Variants in PDE8B observed in about 807,000 individuals in gnomAD.
PDE8B encodes phosphodiesterase 8B, also known as high affinity cAMP-specific and IBMX-insensitive 3',5'-cyclic phosphodiesterase 8B.
Under a neutral mutation model 101.3 loss-of-function variants are expected in PDE8B, and 26 were observed. The ratio of observed to expected loss-of-function variants is 0.26; its 90% confidence interval spans 0.19 to 0.36. The LOEUF (loss-of-function observed/expected upper bound fraction) is 0.36. Among genes scored for constraint, PDE8B ranks in the 10% least tolerant of loss-of-function variants. PDE8B has a pLI of 1.00. For missense variants in PDE8B, 810 were observed against 1,163.1 expected, an observed-to-expected ratio of 0.70 and a Z score of 4.42; for synonymous variants, 424 against 429.3, an observed-to-expected ratio of 0.99 and a Z score of 0.15.
At chr5:77,350,374 GA>G (rs946249370) in intron 8 of PDE8B, among the ~76,000 whole-genome samples, 3 of 152,082 alleles carry the variant, frequency 2.0e-5, no homozygotes, top group Non-Finnish European at 2.9e-5. Flanking sequence ...GTTGCCAAAA[GA>G]ATATAGCCAC....
At chr5:77,422,356 G>A (rs905842653) in intron 20 of PDE8B, among the ~76,000 whole-genome samples, 2 of 152,166 alleles carry the variant, frequency 1.3e-5, no homozygotes, top group African/African-American at 4.8e-5. Context: ...TGAAGACATC[G>A]CGGCCACGGG....
chr5:77,298,178 C>G (rs1391165073), intron 1 of PDE8B, among the ~76,000 whole-genome samples: 2 of 152,224 alleles, frequency 1.3e-5, no homozygotes, highest in Non-Finnish European at 2.9e-5. Context: ...TGCCTCCCAT[C>G]ATAAGGAAAC....
chr5:77,290,746 T>C, intron 1 of PDE8B: 1 of 1,492,876 alleles, frequency 6.7e-7, no homozygotes, highest in Non-Finnish European at 9.3e-7. Flanking sequence ...GTAGGCCTGG[T>C]TGGAATCATC....
the PDE8B span, among the ~76,000 whole-genome samples, chr5:77,135,902 CA>C: frequency 6.6e-6 from 1 of 152,114 alleles, no homozygotes; most frequent in East Asian, 1.9e-4. Flanking sequence ...CAGGCATGAG[CA>C]TTGGCAAATT....
the PDE8B span, among the ~76,000 whole-genome samples, chr5:77,169,547 A>G: frequency 6.6e-6 from 1 of 152,170 alleles, no homozygotes; most frequent in Admixed American, 6.5e-5. Context: ...GAAAGAGAGT[A>G]GGAGAGGAGG....
At chr5:77,403,752 G>A (rs1214380950) in intron 11 of PDE8B, among the ~76,000 whole-genome samples, 1 of 151,920 alleles carries the variant, frequency 6.6e-6, no homozygotes, top group Admixed American at 6.5e-5. Context: ...CTTTATAATA[G>A]TTCCACCTTT....
At chr5:77,099,073 T>A in the PDE8B span, among the ~76,000 whole-genome samples, 2 of 152,248 alleles carry the variant, frequency 1.3e-5, no homozygotes, top group Non-Finnish European at 2.9e-5. Context: ...AAAACATTAA[T>A]GTATACTTTA....
chr5:77,145,735 C>T, the PDE8B span: 1 of 152,146 alleles, frequency 6.6e-6, no homozygotes, highest in African/African-American at 2.4e-5. Flanking sequence ...AGTATTTCAG[C>T]AAAAACACTG....
chr5:77,114,276 G>C, the PDE8B span: 2 of 152,150 alleles, frequency 1.3e-5, no homozygotes, highest in African/African-American at 4.8e-5. Context: ...GTCCATCAAT[G>C]ATAGATTGGA....
At chr5:77,359,942 A>G (rs1229291355) in intron 10 of PDE8B, among the ~76,000 whole-genome samples, 1 of 152,034 alleles carries the variant, frequency 6.6e-6, no homozygotes, top group Non-Finnish European at 1.5e-5. Flanking sequence ...CGAAAAATAC[A>G]AAAATTAGCC....
At chr5:77,251,953 G>A (rs1406108781) in intron 1 of PDE8B, among the ~76,000 whole-genome samples, 1 of 152,150 alleles carries the variant, frequency 6.6e-6, no homozygotes, top group Non-Finnish European at 1.5e-5. Flanking sequence ...ACATATGGTT[G>A]TATTACAGTC....
the PDE8B span, among the ~76,000 whole-genome samples, chr5:77,173,235 G>C: frequency 6.6e-6 from 1 of 152,200 alleles, no homozygotes; most frequent in Non-Finnish European, 1.5e-5. Context: ...GAATATTTTG[G>C]AGGATTAGTA....
the PDE8B span, among the ~76,000 whole-genome samples, chr5:77,202,403 CA>C: frequency 6.6e-6 from 1 of 152,194 alleles, no homozygotes; most frequent in Non-Finnish European, 1.5e-5. Context: ...TCTTCCTCCT[CA>C]GCTTACTTAA....
At chr5:77,357,476 GA>G (rs1316838536) in intron 10 of PDE8B, among the ~76,000 whole-genome samples, 4 of 152,050 alleles carry the variant, frequency 2.6e-5, no homozygotes, top group Admixed American at 1.3e-4. Context: ...CAGCTAGTAA[GA>G]TTTTTTTTCC....
Position 77,425,823 on chromosome 5 carries a change from T to C in PDE8B, c.2475T>C (p.Asn825=). 1 of 1,612,520 alleles carries C rather than the reference T, an allele frequency of 6.2e-7. No homozygotes were observed. The highest frequency in any genetic ancestry group is 8.5e-7 in the Non-Finnish European group (1 of 1,178,548). Residue 825 remains asparagine (N), a synonymous_variant, in exon 21 of 22, where the codon AAT becomes AAC. Transcript: ENST00000264917. ...TGGTGATGCCAGTGTTTGACCGGAA[T>C]ACCTGTAGCATCCCCAAGTCTCAGA... is the stretch of plus-strand genomic sequence containing the variant. ...LPVVMPVFDR[N]TCSIPKSQIS...
At chr5:77,160,710 G>A in the PDE8B span, among the ~76,000 whole-genome samples, 2 of 152,006 alleles carry the variant, frequency 1.3e-5, no homozygotes, top group Non-Finnish European at 2.9e-5. Flanking sequence ...GTGTGCAGTG[G>A]TGTGATTATG....
At chr5:77,392,642 A>G (rs1226642025) in intron 10 of PDE8B, among the ~76,000 whole-genome samples, 1 of 152,190 alleles carries the variant, frequency 6.6e-6, no homozygotes, top group African/African-American at 2.4e-5. Flanking sequence ...GCAGATTAGC[A>G]TCCAAGATGG....
the PDE8B span, chr5:77,112,876 GACAA>G: frequency 2.0e-5 from 3 of 152,226 alleles, no homozygotes; most frequent in African/African-American, 4.8e-5. Flanking sequence ...ACCAATAATA[GACAA>G]ACAGAGAGCC....
rs1446762091 is a variant in PDE8B at position 77,311,151 on chromosome 5, G to GA, written c.340-838dup. On this transcript the variant is annotated intron_variant, in intron 1 of 21. Coordinates refer to ENST00000264917, the MANE Select transcript of PDE8B (RefSeq NM_003719.5). ...TGACAAATGACCACAGTCTCTTAGA[G>GA]AAAAACAAAATTGGATCCATGGAGG... Among the ~76,000 whole-genome samples, 31 of 152,164 alleles carry GA rather than the reference G, an allele frequency of 2.0e-4. 1 individual carries two copies. The East Asian group carries it at 5.6e-3, about 28-fold the overall frequency.
Sources: allele counts gnomAD v4.1 joint callset (sites outside exome capture counted in the v4.1 genomes callset), GRCh38; gene constraint gnomAD v4.1.1; transcripts MANE v1.5; gene names NCBI Gene and HGNC (gene_info 2026-07-23, HGNC 2026-07-21).